Variants in DTNA observed in about 807,000 individuals in gnomAD.
DTNA encodes dystrobrevin alpha.
Under a neutral mutation model 100.7 loss-of-function variants are expected in DTNA, and 43 were observed. The ratio of observed to expected loss-of-function variants is 0.43; its 90% CI spans 0.33 to 0.55. The LOEUF is 0.55. Among genes scored for constraint, DTNA ranks in the 20% least tolerant of loss-of-function variants. The pLI is 0.04. For synonymous variants in DTNA, 349 were observed against 347.9 expected (o/e 1.00, Z -0.04); for missense variants, 798 against 953.9 (o/e 0.84, Z 2.15).
intron 4 of DTNA, among the ~76,000 whole-genome samples, chr18:34,800,789 A>G (rs575330251): frequency 1.3e-4 from 20 of 152,310 alleles, no homozygotes; most frequent in African/African-American, 4.6e-4. Flanking sequence ...CCTGTTGGCA[A>G]TTCGGAGACA....
At chr18:34,552,928 T>C (rs1231744913) in intron 1 of DTNA, among the ~76,000 whole-genome samples, 2 of 146,348 alleles carry the variant, frequency 1.4e-5, no homozygotes, top group African/African-American at 5.1e-5. Context: ...GTATTTCTAG[T>C]TCTAGATCCC....
Position 34,629,374 on chromosome 18 carries a change from G to C in DTNA, c.-1-126602G>C, listed in dbSNP as rs778204530. On this transcript the variant is annotated intron_variant, in intron 1 of 19. Transcript: ENST00000283365. ...AAGTAACTGTACAAAGAGCCAGTAA[G>C]TGTGGTTGAGACTTGGGAAAACTGG... Among the ~76,000 whole-genome samples the C allele has an allele frequency of 3.9e-5, 6 of 152,196 alleles. No individual in the cohort carries two copies. The East Asian group carries it at 1.2e-3, about 29-fold the overall frequency.
chr18:34,596,813 A>G (rs1361611311), intron 1 of DTNA, among the ~76,000 whole-genome samples: 1 of 152,060 alleles, frequency 6.6e-6, no homozygotes, highest in Non-Finnish European at 1.5e-5. Flanking sequence ...TGAAAGATTC[A>G]TGTTTTCTGA....
chr18:34,553,862 T>C (rs1427958897), intron 1 of DTNA, among the ~76,000 whole-genome samples: 3 of 152,108 alleles, frequency 2.0e-5, no homozygotes, highest in East Asian at 1.9e-4. Context: ...TGATGCGGGC[T>C]CTTTTTTTGG....
intron 1 of DTNA, among the ~76,000 whole-genome samples, chr18:34,608,658 GA>G (rs767612335): frequency 5.4e-5 from 8 of 149,282 alleles, no homozygotes; most frequent in African/African-American, 1.2e-4. Flanking sequence ...TCCTTTTTGA[GA>G]AAAAAAAAGT....
chr18:34,867,399 G>A (rs2096717123), intron 17 of DTNA: 1 of 1,228,090 alleles, frequency 8.1e-7, no homozygotes, highest in Admixed American at 4.2e-5. Flanking sequence ...ACAGAAGACA[G>A]TCCCCCTGGG....
intron 1 of DTNA, among the ~76,000 whole-genome samples, chr18:34,547,273 T>A (rs1014383766): frequency 6.8e-6 from 1 of 147,848 alleles, no homozygotes; most frequent in Non-Finnish European, 1.5e-5. Flanking sequence ...ATTATAATGA[T>A]ACTTTTTAAA....
chr18:34,629,218 A>G (rs1205661043), intron 1 of DTNA, among the ~76,000 whole-genome samples: 1 of 152,196 alleles, frequency 6.6e-6, no homozygotes, highest in Non-Finnish European at 1.5e-5. Context: ...CATTATTTAT[A>G]TTAAGAATTA....
chr18:34,574,862 T>A (rs2047961635), intron 1 of DTNA, among the ~76,000 whole-genome samples: 1 of 152,172 alleles, frequency 6.6e-6, no homozygotes, highest in Non-Finnish European at 1.5e-5. Context: ...ATCTTTCTAT[T>A]TCCTGGCCTC....
At chr18:34,684,781 C>T (rs534830390) in intron 1 of DTNA, among the ~76,000 whole-genome samples, 35 of 152,288 alleles carry the variant, frequency 2.3e-4, no homozygotes, top group African/African-American at 6.3e-4. Context: ...AAAAGCATTC[C>T]TATTTCTCCA....
intron 1 of DTNA, among the ~76,000 whole-genome samples, chr18:34,736,697 T>G (rs2147546763): frequency 6.6e-6 from 1 of 152,316 alleles, no homozygotes; most frequent in East Asian, 1.9e-4. Context: ...AATTGTGCAT[T>G]AAAATAAACG....
In DTNA at chr18:34,888,935, G is replaced by A. The variant is rs2096945647; in HGVS notation, c.*1201G>A. 1.0e-6 allele frequency: 1 copy of A among 985,742 alleles called. No individual in the cohort carries two copies. The allele number at this position is 985,742 out of a possible 1,614,324, so 61.1% of individuals were successfully genotyped here. ...GTAGCCTTCTGTGGTCATGTGAAAGGAGACAGGCTCTTCTAAGTTGAGTTG... is the reference window on the plus strand; with the variant it reads ...GTAGCCTTCTGTGGTCATGTGAAAGAAGACAGGCTCTTCTAAGTTGAGTTG... On this transcript the variant is annotated 3_prime_UTR_variant, in exon 23 of 23. Coordinates refer to ENST00000444659, the MANE Select transcript of DTNA (RefSeq NM_001386795.1).
chr18:34,702,396 T>C (rs1367133775), intron 1 of DTNA, among the ~76,000 whole-genome samples: 1 of 152,148 alleles, frequency 6.6e-6, no homozygotes, highest in Non-Finnish European at 1.5e-5. Flanking sequence ...AAGTCAGAAA[T>C]CATTAAAATT....
intron 1 of DTNA, among the ~76,000 whole-genome samples, chr18:34,502,532 T>C (rs759205671): frequency 2.6e-5 from 4 of 152,204 alleles, no homozygotes; most frequent in Non-Finnish European, 5.9e-5. Context: ...TGTCACTGTA[T>C]CCCATACATT....
chr18:34,715,615 G>T (rs977945353), intron 1 of DTNA, among the ~76,000 whole-genome samples: 1 of 151,924 alleles, frequency 6.6e-6, no homozygotes, highest in African/African-American at 2.4e-5. Flanking sequence ...GGATGGATTG[G>T]CAATTCCAGT....
rs147762153 is a variant in DTNA, at chr18:34,877,139, C to T, written c.1904-580C>T. The stretch of plus-strand genomic sequence containing the variant: ...TGGCAGAAGAAACAAGAATCCTCAC[C>T]CCTTTCTCACGCTCTGGGGGCATTC... On this transcript the variant is annotated intron_variant, in intron 18 of 22. Transcript: ENST00000444659. Among the ~76,000 whole-genome samples the T allele has an allele frequency of 1.3e-3, 200 of 152,256 alleles. 1 individual carries two copies. Among genetic ancestry groups the T allele is most frequent in the Middle Eastern group, 6.8e-3 (2 of 294 alleles).
At chr18:34,606,993 A>AT (rs1265665744) in intron 1 of DTNA, among the ~76,000 whole-genome samples, 1 of 152,200 alleles carries the variant, frequency 6.6e-6, no homozygotes, top group South Asian at 2.1e-4. Flanking sequence ...CAAAGCAAAA[A>AT]TAAAATGAAT....
chr18:34,665,373 A>G (rs1275471951), intron 1 of DTNA, among the ~76,000 whole-genome samples: 1 of 152,148 alleles, frequency 6.6e-6, no homozygotes, highest in Non-Finnish European at 1.5e-5. Context: ...TTTTTATGAA[A>G]ACAAGATTTA....
intron 6 of DTNA, among the ~76,000 whole-genome samples, chr18:34,814,937 G>A (rs1307618229): frequency 6.6e-6 from 1 of 151,946 alleles, no homozygotes; most frequent in East Asian, 1.9e-4. Flanking sequence ...TATGAAAAGA[G>A]GTAACACAAA....
Sources: gnomAD v4.1 joint callset for allele counts (sites outside exome capture counted in the v4.1 genomes callset) on GRCh38, gnomAD v4.1.1 for gene constraint, MANE v1.5 for transcripts, NCBI Gene and HGNC (gene_info 2026-07-23, HGNC 2026-07-21) for gene names.